Variants in EPHA2 observed in about 807,000 individuals in gnomAD.
EPHA2 encodes ephrin type-A receptor 2.
Under a neutral mutation model 104.9 loss-of-function variants are expected in EPHA2, and 54 were observed. That is an observed-to-expected ratio of 0.51 (90% CI 0.41 to 0.65). The LOEUF is 0.65. EPHA2 is among the 30% of genes least tolerant of loss of function. EPHA2 has a pLI of 0.00. For synonymous variants in EPHA2, 560 were observed against 559.1 expected (o/e 1.00, Z -0.02); for missense variants, 1,117 against 1,369.5 (o/e 0.82, Z 2.91).
chr1:16,139,357 C>T (rs376226603), intron 3 of EPHA2, among the ~76,000 whole-genome samples: 2 of 152,212 alleles, frequency 1.3e-5, no homozygotes, highest in Non-Finnish European at 2.9e-5. Context: ...CTCCAACAAC[C>T]CTACAATTAT....
chr1:16,133,424 C>T (rs945081152), intron 10 of EPHA2, 56 bp from the exon 11 acceptor site: 55 of 1,613,856 alleles, frequency 3.4e-5, no homozygotes, highest in Non-Finnish European at 4.1e-5. Flanking sequence ...TGAGGGCTCC[C>T]ACACTGTGTC....
chr1:16,134,370 C>G lies in EPHA2; in HGVS notation c.1682+98G>C. On this transcript the variant is annotated intron_variant, in intron 8 of 16. Transcript: ENST00000358432. The surrounding 1 kb of genome is among the most constrained non-coding windows in gnomAD (Gnocchi z 4.5). The stretch of plus-strand genomic sequence containing the variant: ...GGAGGCAGGGATTAGACTCGACTAG[C>G]ATCCTGTGGGCCCCATCGTTCAGAT... The G allele has an allele frequency of 7.8e-7, 1 of 1,278,780 alleles. No individual in the cohort carries two copies. The highest frequency in any genetic ancestry group is 1.1e-6 in the Non-Finnish European group (1 of 891,646). 79.2% of individuals were successfully genotyped at this position (1,278,780 alleles called of 1,614,324 possible).
At chr1:16,149,131 G>T in intron 2 of EPHA2, 84 bp from the exon 3 acceptor site, 1 of 1,453,486 alleles carries the variant, frequency 6.9e-7, no homozygotes, top group Non-Finnish European at 9.5e-7. Flanking sequence ...CTAGGAAGAT[G>T]CTTTCCAGTT....
Position 16,133,903 on chromosome 1 carries a change from C to G in EPHA2, c.1695G>C (p.Gln565His). The G allele has an allele frequency of 6.4e-7, 1 of 1,550,778 alleles. No individual in the cohort carries two copies. Among genetic ancestry groups the G allele is most frequent in the African/African-American group, 1.4e-5 (1 of 73,160 alleles). Residue 565 changes from glutamine to histidine, a missense_variant, in exon 9 of 17, where the codon CAG becomes CAC. By Grantham distance (24) the Gln-to-His change is conservative. Transcript: ENST00000358432. ...CGTCCTCCGGGGACTGGCGGGCACG[C>G]TGGTTCTTCCTCCTGAAAGAGCCCC... ...GFFIHRRRKN[Q>H]RARQSPEDVY...
rs965138895 is a variant in EPHA2, at chr1:16,130,483, A to T, written c.2476-64T>A. On this transcript the variant is annotated intron_variant, in intron 14 of 16. Coordinates refer to ENST00000358432, the MANE Select transcript of EPHA2 (RefSeq NM_004431.5). This position sits in a 1 kb window ranked among gnomAD's most constrained non-coding sequence, Gnocchi z 4.5. ...GCCACTGAAACCCTCTGCAGCCTCC[A>T]GCCTATGGAGGTGGGCAGGGGAGGG... 6.1e-6 allele frequency: 9 copies of T among 1,477,326 alleles called. No homozygotes were observed. In the South Asian group the frequency reaches 1.3e-4, roughly 21 times the overall value. 91.5% of individuals were successfully genotyped at this position (1,477,326 alleles called of 1,614,324 possible).
intron 2 of EPHA2, among the ~76,000 whole-genome samples, chr1:16,149,736 T>A (rs1010195772): frequency 4.6e-5 from 7 of 152,188 alleles, no homozygotes; most frequent in African/African-American, 1.7e-4. Context: ...CCCCTTGCCA[T>A]TTACCAAAGT....
Position 16,134,890 on chromosome 1 carries a change from G to A in EPHA2, c.1582+146C>T. On this transcript the variant is annotated intron_variant, in intron 7 of 16. Transcript: ENST00000358432. This position sits in a 1 kb window ranked among gnomAD's most constrained non-coding sequence, Gnocchi z 4.5. ...CATGCTTCCCCCTCCCCAGGCTTGG[G>A]GGCAGTCCCCGAAGGGCTGTCCCAG... is the stretch of plus-strand genomic sequence containing the variant. The A allele has an allele frequency of 1.5e-6, 2 of 1,301,320 alleles. No homozygotes were observed. Among genetic ancestry groups the A allele is most frequent in the Non-Finnish European group, 2.1e-6 (2 of 936,836 alleles). The allele number at this position is 1,301,320 out of a possible 1,614,324, so 80.6% of individuals were successfully genotyped here.
Position 16,134,128 on chromosome 1 carries a change from C to T in EPHA2, c.1683-213G>A, listed in dbSNP as rs1271200516. ...GGGAGGAAGTGAGCGAGCCAGGACT[C>T]CCTCTCCAGGATCTAGGCCCCAGAA... On this transcript the variant is annotated intron_variant, in intron 8 of 16. Transcript: ENST00000358432. This position sits in a 1 kb window ranked among gnomAD's most constrained non-coding sequence, Gnocchi z 4.5. Among the ~76,000 whole-genome samples, 1 of 152,086 alleles carries T rather than the reference C, an allele frequency of 6.6e-6. No individual in the cohort carries two copies. Among genetic ancestry groups the T allele is most frequent in the Non-Finnish European group, 1.5e-5 (1 of 67,998 alleles).
chr1:16,137,270 C>A (rs1403342362), intron 5 of EPHA2, among the ~76,000 whole-genome samples: 1 of 150,194 alleles, frequency 6.7e-6, no homozygotes, highest in Non-Finnish European at 1.5e-5. Context: ...AAATAAAATA[C>A]AGCAACACTA....
intron 11 of EPHA2, among the ~76,000 whole-genome samples, chr1:16,132,834 G>A (rs572876605): frequency 1.2e-3 from 160 of 130,314 alleles, no homozygotes; most frequent in Middle Eastern, 4.9e-3. Flanking sequence ...AGGTGGGCAC[G>A]GGTGTAAGGA....
intron 1 of EPHA2, chr1:16,153,284 T>C (rs1435998923): frequency 1.0e-6 from 1 of 985,268 alleles, no homozygotes; most frequent in East Asian, 1.1e-4. Flanking sequence ...TCCGAGGCTG[T>C]GGTTCCCTCC....
At chr1:16,141,027 C>T (rs192296599) in intron 3 of EPHA2, among the ~76,000 whole-genome samples, 31 of 152,324 alleles carry the variant, frequency 2.0e-4, no homozygotes, top group Non-Finnish European at 3.8e-4. Context: ...GCCACCTCAC[C>T]GGGCCTCCTT....
chr1:16,129,754 T>A (rs1047938726), intron 15 of EPHA2, among the ~76,000 whole-genome samples, 165 bp from the exon 16 acceptor site: 2 of 152,170 alleles, frequency 1.3e-5, no homozygotes, highest in Non-Finnish European at 2.9e-5. Context: ...TGAGACCTCC[T>A]GGCACGTTGG....
chr1:16,143,142 C>T (rs1254079641), intron 3 of EPHA2, among the ~76,000 whole-genome samples: 3 of 97,760 alleles, frequency 3.1e-5, no homozygotes, highest in African/African-American at 4.6e-5. Context: ...GGCGGGTAGA[C>T]GAGTGAATGG....
chr1:16,131,822 G>A lies in EPHA2; in HGVS notation c.2374C>T (p.Arg792Trp), dbSNP rs55869078. 4.5e-5 allele frequency: 72 copies of A among 1,613,944 alleles called. No individual in the cohort carries two copies. Among genetic ancestry groups the A allele is most frequent in the Non-Finnish European group, 5.7e-5 (67 of 1,180,028 alleles). ...ACGTCGCTGGCAGAGGTGAACTTCCGGTAGGAAATGGCCTCCGGGGCGGTC... is the reference window on the plus strand; with the variant it reads ...ACGTCGCTGGCAGAGGTGAACTTCCAGTAGGAAATGGCCTCCGGGGCGGTC... ...RWTAPEAISY[R>W]KFTSASDVWS... Residue 792 changes from arginine to tryptophan, a missense_variant, in exon 14 of 17, where the codon CGG (arginine) becomes TGG (tryptophan). Coordinates refer to ENST00000358432, the MANE Select transcript of EPHA2 (RefSeq NM_004431.5). The surrounding 1 kb of genome is among the most constrained non-coding windows in gnomAD (Gnocchi z 5.2).
rs2024568722 is a variant in EPHA2 at position 16,131,560 on chromosome 1, A to C, written c.2475+161T>G. 6.6e-6 allele frequency among the ~76,000 whole-genome samples: 1 copy of C among 152,078 alleles called. No individual in the cohort carries two copies. On this transcript the variant is annotated intron_variant, in intron 14 of 16. Transcript: ENST00000358432. The surrounding 1 kb of genome is among the most constrained non-coding windows in gnomAD (Gnocchi z 5.2). ...ATGCCAGTGAACTCCAGCCTGGGCA[A>C]CAAGAGCAAAACTCCGTCTCCAAAA...
intron 9 of EPHA2, 80 bp downstream of exon 9, chr1:16,133,780 A>T (rs1311114679): frequency 8.7e-6 from 13 of 1,493,606 alleles, no homozygotes; most frequent in Non-Finnish European, 1.1e-5. Flanking sequence ...CCCTGGGAAC[A>T]CCCTGGCTGC....
chr1:16,136,763 A>G (rs574538203), intron 5 of EPHA2, among the ~76,000 whole-genome samples: 158 of 148,988 alleles, frequency 1.1e-3, no homozygotes, highest in African/African-American at 3.5e-3. Flanking sequence ...AAGAAGAAGA[A>G]GAAGAAGAAG....
At position 16,148,823 on chromosome 1, in the gene EPHA2, C is replaced by G; in HGVS notation, c.378G>C (p.Ser126=). The change falls in exon 3 of 17, where the codon TCG becomes TCC. Residue 126 remains serine (S), a synonymous_variant. Coordinates refer to ENST00000358432, the MANE Select transcript of EPHA2 (RefSeq NM_004431.5). The surrounding 1 kb of genome is among the most constrained non-coding windows in gnomAD (Gnocchi z 4.9). The part of the protein sequence containing the change: ...KETFNLYYAE[S]DLDYGTNFQK... ...GGAAGTTGGTGCCGTAGTCCAGGTC[C>G]GACTCGGCATAGTAGAGGTTGAAAG... is the stretch of plus-strand genomic sequence containing the variant. 4 of 1,614,118 alleles carry G rather than the reference C, an allele frequency of 2.5e-6. No homozygotes were observed. Among genetic ancestry groups the G allele is most frequent in the Non-Finnish European group, 3.4e-6 (4 of 1,180,046 alleles).
Sources: gnomAD v4.1 joint callset for allele counts (sites outside exome capture counted in the v4.1 genomes callset) on GRCh38, gnomAD v4.1.1 for gene constraint, Gnocchi (gnomAD v3.1) non-coding constraint, MANE v1.5 for transcripts, NCBI Gene and HGNC (gene_info 2026-07-23, HGNC 2026-07-21) for gene names.